The following MCTP2 variants were observed in gnomAD, a reference collection of about 807,000 sequenced individuals.
MCTP2 encodes multiple C2 and transmembrane domain containing 2, also known as multiple C2 and transmembrane domain-containing protein 2.
Under a neutral mutation model 111.6 loss-of-function variants are expected in MCTP2, and 132 were observed. The observed-to-expected ratio is 1.18, with a 90% CI of 1.03 to 1.37. The LOEUF (loss-of-function observed/expected upper bound fraction) is 1.37. MCTP2 is among the 40% of genes most tolerant of loss of function. The pLI, the probability that MCTP2 is intolerant of heterozygous loss-of-function variation, is 0.00. For missense variants in MCTP2, 1,183 were observed against 1,067.9 expected, an observed-to-expected ratio of 1.11 and a Z score of -1.50; for synonymous variants, 395 against 387.7, an observed-to-expected ratio of 1.02 and a Z score of -0.22.
intron 4 of MCTP2, among the ~76,000 whole-genome samples, chr15:94,318,782 C>T (rs753624090): frequency 1.3e-5 from 2 of 152,172 alleles, no homozygotes; most frequent in East Asian, 1.9e-4. Flanking sequence ...TTGCACACAT[C>T]GGAAAATGAT....
intron 17 of MCTP2, among the ~76,000 whole-genome samples, chr15:94,439,505 G>A (rs2083658137): frequency 6.6e-6 from 1 of 152,016 alleles, no homozygotes; most frequent in Admixed American, 6.6e-5. Context: ...TAATTAGTGT[G>A]TTTCTTGGAG....
intron 2 of MCTP2, among the ~76,000 whole-genome samples, chr15:94,303,253 G>C (rs1051906679): frequency 6.6e-6 from 1 of 151,468 alleles, no homozygotes; most frequent in African/African-American, 2.4e-5. Flanking sequence ...TACAGGCTGA[G>C]GAGCAAGCAG....
At chr15:94,252,730 AC>A (rs2072521061) in intron 1 of MCTP2, among the ~76,000 whole-genome samples, 1 of 152,118 alleles carries the variant, frequency 6.6e-6, no homozygotes, top group Non-Finnish European at 1.5e-5. Flanking sequence ...TATAAGTGTA[AC>A]TTAGATTCTC....
intron 17 of MCTP2, among the ~76,000 whole-genome samples, chr15:94,430,083 C>A (rs1246075656): frequency 6.6e-6 from 1 of 152,208 alleles, no homozygotes; most frequent in Non-Finnish European, 1.5e-5. Context: ...TTAACTCTAA[C>A]CTGGTCTTTT....
chr15:94,390,734 T>TC (rs957085560), intron 14 of MCTP2, among the ~76,000 whole-genome samples: 1 of 145,230 alleles, frequency 6.9e-6, no homozygotes, highest in African/African-American at 2.6e-5. Flanking sequence ...TCTTTTTTTT[T>TC]TTTTTTTTTT....
intron 20 of MCTP2, among the ~76,000 whole-genome samples, chr15:94,463,671 G>C (rs946844322): frequency 2.0e-5 from 3 of 152,120 alleles, no homozygotes; most frequent in Non-Finnish European, 4.4e-5. Flanking sequence ...CAGAAAGAAA[G>C]CTTTCAACGT....
At chr15:94,320,354 G>C (rs925787969) in intron 4 of MCTP2, among the ~76,000 whole-genome samples, 11 of 152,044 alleles carry the variant, frequency 7.2e-5, no homozygotes, top group Admixed American at 3.9e-4. Flanking sequence ...TGTTAGCCAG[G>C]ATGGTCTCGA....
intron 14 of MCTP2, 65 bp from the exon 15 acceptor site, chr15:94,398,896 G>T (rs1416856993): frequency 3.3e-5 from 32 of 963,276 alleles, no homozygotes; most frequent in Non-Finnish European, 4.8e-5. Context: ...GTTAGTTTTG[G>T]TTATTTACTT....
chr15:94,301,252 G>T (rs988313708), intron 2 of MCTP2, among the ~76,000 whole-genome samples: 2 of 152,114 alleles, frequency 1.3e-5, no homozygotes, highest in Non-Finnish European at 2.9e-5. Context: ...GCTTGCAGAG[G>T]ACGGAGGGAC....
At chr15:94,472,044 C>T (rs1371840083) in intron 21 of MCTP2, among the ~76,000 whole-genome samples, 2 of 152,190 alleles carry the variant, frequency 1.3e-5, no homozygotes, top group African/African-American at 4.8e-5. Context: ...CATCCTGGTG[C>T]TTGCTTGGTC....
At chr15:94,476,623 G>C in intron 21 of MCTP2, 73 bp from the exon 22 acceptor site, 1 of 754,846 alleles carries the variant, frequency 1.3e-6, no homozygotes, top group South Asian at 1.6e-5. Context: ...TAGATAGATA[G>C]ATAGATAGAT....
rs555687199 is a variant in MCTP2, at chr15:94,398,721, T to C, written c.1789-240T>C. Among the ~76,000 whole-genome samples, 3 of 152,346 alleles carry C rather than the reference T, an allele frequency of 2.0e-5. No homozygotes were observed. In the East Asian group the frequency reaches 5.8e-4, roughly 29 times the overall value. Reference sequence around the variant, plus strand: ...ATGTAACTTATGATTTGCACCAATATTTTTCATCCACACACCAGTTTCAGC... The same window carrying C: ...ATGTAACTTATGATTTGCACCAATACTTTTCATCCACACACCAGTTTCAGC... On this transcript the variant is annotated intron_variant, in intron 14 of 22. Coordinates refer to ENST00000357742, the MANE Select transcript of MCTP2 (RefSeq NM_001385001.1).
At chr15:94,306,015 G>GC (rs549469607) in intron 2 of MCTP2, among the ~76,000 whole-genome samples, 291 of 152,162 alleles carry the variant, frequency 1.9e-3, no homozygotes, top group African/African-American at 6.8e-3. Context: ...TCTGGTTCTT[G>GC]CCGTAGGTAT....
intron 14 of MCTP2, among the ~76,000 whole-genome samples, chr15:94,395,854 G>A (rs1263313254): frequency 1.3e-5 from 2 of 152,104 alleles, no homozygotes; most frequent in African/African-American, 4.8e-5. Flanking sequence ...CAGACTTCTT[G>A]TACTTTTATT....
intron 2 of MCTP2, among the ~76,000 whole-genome samples, chr15:94,301,425 A>G (rs2075604987): frequency 6.6e-6 from 1 of 152,154 alleles, no homozygotes. Context: ...CTGATGTTTA[A>G]GGCCCTGTCC....
At chr15:94,243,690 TACATATGCGTATATAC>T (rs2071338744) in intron 1 of MCTP2, among the ~76,000 whole-genome samples, 1 of 143,360 alleles carries the variant, frequency 7.0e-6, no homozygotes, top group Non-Finnish European at 1.5e-5. Context: ...TGTATACACA[TACATATGCGTATATAC>T]ACATATATGT....
intron 10 of MCTP2, among the ~76,000 whole-genome samples, chr15:94,359,915 T>C (rs754373833): frequency 6.6e-6 from 1 of 152,140 alleles, no homozygotes; most frequent in Non-Finnish European, 1.5e-5. Context: ...GGAATGTTGC[T>C]CCGGTGTCTC....
intron 4 of MCTP2, among the ~76,000 whole-genome samples, chr15:94,324,633 G>C (rs142111919): frequency 4.6e-5 from 7 of 152,178 alleles, no homozygotes; most frequent in African/African-American, 1.7e-4. Flanking sequence ...TAGAGCAATG[G>C]CAGCTTTATA....
In MCTP2 at chr15:94,476,734, T is replaced by C; in HGVS notation, c.2509T>C (p.Ser837Pro). 6.2e-7 allele frequency: 1 copy of C among 1,609,268 alleles called. No individual in the cohort carries two copies. Residue 837 changes from serine (S) to proline (P), a missense_variant, in exon 22 of 23, where the codon TCC becomes CCC. Coordinates refer to ENST00000357742, the MANE Select transcript of MCTP2 (RefSeq NM_001385001.1). ...KFTKKLRNPYSIDNNELLDFL... is the reference protein window; with the variant it reads ...KFTKKLRNPYPIDNNELLDFL... Reference sequence around the variant, plus strand: ...TACTAAGAAGCTTCGAAATCCCTATTCCATCGACAATAATGAGCTACTAGA... The same window carrying C: ...TACTAAGAAGCTTCGAAATCCCTATCCCATCGACAATAATGAGCTACTAGA...
Sources: allele counts gnomAD v4.1 joint callset (sites outside exome capture counted in the v4.1 genomes callset), GRCh38; gene constraint gnomAD v4.1.1; transcripts MANE v1.5; gene names NCBI Gene and HGNC (gene_info 2026-07-23, HGNC 2026-07-21).